Variants in SAMD5 observed in about 807,000 individuals in gnomAD.
SAMD5 encodes sterile alpha motif domain containing 5.
In SAMD5, 13 loss-of-function variants were observed where a neutral mutation model predicts 11.3. The ratio of observed to expected loss-of-function variants is 1.15; its 90% CI spans 0.75 to 1.83. The LOEUF (loss-of-function observed/expected upper bound fraction) is 1.83. Ranked by LOEUF, SAMD5 falls within the 40% of genes most tolerant of loss-of-function variation. The probability of loss-of-function intolerance (pLI) is 0.00; values close to 1 mark genes in which losing one functional copy is unlikely to be tolerated. For missense variants in SAMD5, 255 were observed against 239.1 expected (o/e 1.07, Z -0.44); for synonymous variants, 129 against 111.3 (o/e 1.16, Z -1.00).
At chr6:147,926,567 G>A in the SAMD5 span, among the ~76,000 whole-genome samples, 1 of 151,942 alleles carries the variant, frequency 6.6e-6, no homozygotes, top group African/African-American at 2.4e-5. Context: ...ATAGATGCTG[G>A]ATATTAGACT....
intron 1 of SAMD5, among the ~76,000 whole-genome samples, chr6:147,578,025 G>A (rs1358032041): frequency 1.3e-5 from 2 of 152,000 alleles, no homozygotes; most frequent in Non-Finnish European, 2.9e-5. Flanking sequence ...TAGGAACAAG[G>A]CAAAGCTTCT....
chr6:147,652,097 A>T (rs4895717), intron 1 of SAMD5, among the ~76,000 whole-genome samples: 13,555 of 152,262 alleles, frequency 0.089, 898 homozygotes, highest in East Asian at 0.26. Flanking sequence ...AGGGACAGAA[A>T]ATGAAAGGAG....
chr6:147,543,673 T>C (rs1177814914), intron 1 of SAMD5, among the ~76,000 whole-genome samples: 1 of 152,172 alleles, frequency 6.6e-6, no homozygotes, highest in Non-Finnish European at 1.5e-5. Context: ...GAACTTACAG[T>C]TGACAAAGAC....
intron 1 of SAMD5, among the ~76,000 whole-genome samples, chr6:147,703,617 G>A (rs1791286057): frequency 6.6e-6 from 1 of 152,192 alleles, no homozygotes; most frequent in South Asian, 2.1e-4. Flanking sequence ...GGGTGGGCAA[G>A]ATATTTGAGC....
At chr6:147,739,812 C>CTTATT (rs752407412), downstream of SAMD5, among the ~76,000 whole-genome samples, 5 of 151,892 alleles carry the variant, frequency 3.3e-5, no homozygotes, top group Admixed American at 1.3e-4. Context: ...TTTGTATTTT[C>CTTATT]TTATTTTATT....
chr6:147,810,914 A>C, the SAMD5 span, among the ~76,000 whole-genome samples: 1 of 152,342 alleles, frequency 6.6e-6, no homozygotes, highest in Non-Finnish European at 1.5e-5. Flanking sequence ...CCTGACCTCA[A>C]GAAGCTGATA....
chr6:147,521,312 G>T (rs1321485768), intron 1 of SAMD5, among the ~76,000 whole-genome samples: 1 of 151,760 alleles, frequency 6.6e-6, no homozygotes, highest in Non-Finnish European at 1.5e-5. Context: ...ACCACTTCTT[G>T]TTGCTTTGGA....
the SAMD5 span, among the ~76,000 whole-genome samples, chr6:147,846,323 A>G: frequency 2.0e-5 from 3 of 152,292 alleles, no homozygotes; most frequent in South Asian, 4.1e-4. Context: ...AAAGCCATGT[A>G]TTTAATTAAA....
chr6:147,538,016 T>C (rs1416128556), intron 1 of SAMD5, among the ~76,000 whole-genome samples: 1 of 152,192 alleles, frequency 6.6e-6, no homozygotes, highest in Non-Finnish European at 1.5e-5. Flanking sequence ...TTAAATACAA[T>C]TTTATATCTG....
chr6:147,698,643 A>T (rs1446430200), intron 1 of SAMD5, among the ~76,000 whole-genome samples: 1 of 152,196 alleles, frequency 6.6e-6, no homozygotes, highest in Admixed American at 6.5e-5. Flanking sequence ...TACACAAAGG[A>T]TCTACCATGT....
chr6:147,599,728 G>T (rs1185094185), intron 1 of SAMD5, among the ~76,000 whole-genome samples: 1 of 152,126 alleles, frequency 6.6e-6, no homozygotes, highest in Admixed American at 6.5e-5. Context: ...TTTGTGAAAT[G>T]AACACAATTT....
At chr6:147,837,675 T>C in the SAMD5 span, among the ~76,000 whole-genome samples, 1 of 152,228 alleles carries the variant, frequency 6.6e-6, no homozygotes, top group Non-Finnish European at 1.5e-5. Flanking sequence ...TGGAAATACC[T>C]TGGAGTGTCT....
chr6:147,860,934 A>G, the SAMD5 span, among the ~76,000 whole-genome samples: 2 of 152,346 alleles, frequency 1.3e-5, no homozygotes, highest in East Asian at 1.9e-4. Context: ...AAGAGATAAC[A>G]GGAATACGTG....
chr6:147,859,849 C>T, the SAMD5 span, among the ~76,000 whole-genome samples: 1 of 152,114 alleles, frequency 6.6e-6, no homozygotes, highest in East Asian at 1.9e-4. Flanking sequence ...AGGGCAATTA[C>T]CTGAGCATAG....
At chr6:147,896,738 C>CAAAAAAAAAAA in the SAMD5 span, among the ~76,000 whole-genome samples, 2 of 55,332 alleles carry the variant, frequency 3.6e-5, no homozygotes, top group Non-Finnish European at 6.9e-5. Flanking sequence ...GAACATTAAC[C>CAAAAAAAAAAA]AAAAAAAAAA....
the SAMD5 span, among the ~76,000 whole-genome samples, chr6:147,842,892 C>A: frequency 3.9e-5 from 6 of 152,142 alleles, no homozygotes; most frequent in Admixed American, 6.5e-5. Context: ...TAGAAGGAGT[C>A]TCTGCCACCC....
intron 1 of SAMD5, among the ~76,000 whole-genome samples, chr6:147,517,768 G>A (rs1442061045): frequency 6.6e-6 from 1 of 151,938 alleles, no homozygotes; most frequent in African/African-American, 2.4e-5. Context: ...TCTGGTTTGG[G>A]GTAAACACCT....
chr6:147,704,117 G>A (rs1488526050), intron 1 of SAMD5, among the ~76,000 whole-genome samples: 3 of 151,936 alleles, frequency 2.0e-5, no homozygotes, highest in East Asian at 1.9e-4. Flanking sequence ...GGATGGTCTC[G>A]ATCTCCTGAC....
At chr6:147,837,143 A>G in the SAMD5 span, among the ~76,000 whole-genome samples, 1 of 152,006 alleles carries the variant, frequency 6.6e-6, no homozygotes, top group South Asian at 2.1e-4. Context: ...TGTGGTGGTG[A>G]ATTTGTTTCT....
Sources: allele counts gnomAD v4.1 joint callset (sites outside exome capture counted in the v4.1 genomes callset), GRCh38; gene constraint gnomAD v4.1.1; transcripts MANE v1.5; gene names NCBI Gene and HGNC (gene_info 2026-07-23, HGNC 2026-07-21).